The following GLIS3 variants were observed in gnomAD, a reference collection of about 807,000 sequenced individuals.
GLIS3 encodes GLIS family zinc finger 3, also known as zinc finger protein GLIS3.
A neutral mutation model predicts 78.6 loss-of-function variants in GLIS3; 53 were observed. That is an observed-to-expected ratio of 0.67 (90% CI 0.54 to 0.85). GLIS3 has a LOEUF of 0.85. Ranked by LOEUF, GLIS3 falls within the 40% of genes least tolerant of loss-of-function variation. The pLI is 0.00. For missense variants in GLIS3, 1,703 were observed against 1,231.1 expected, an observed-to-expected ratio of 1.38 and a Z score of -5.74; for synonymous variants, 684 against 509.9, an observed-to-expected ratio of 1.34 and a Z score of -4.60.
chr9:4,383,887 G>T, the GLIS3 span, among the ~76,000 whole-genome samples: 1 of 152,190 alleles, frequency 6.6e-6, no homozygotes, highest in African/African-American at 2.4e-5. Flanking sequence ...GCTTCTCCTT[G>T]TCTAGAATAA....
chr9:4,085,237 A>G (rs1044589400), intron 4 of GLIS3, among the ~76,000 whole-genome samples: 1 of 150,940 alleles, frequency 6.6e-6, no homozygotes, highest in African/African-American at 2.4e-5. Flanking sequence ...TTTATAATCA[A>G]TCAGTTTGCC....
chr9:4,009,523 G>C (rs529329248), intron 4 of GLIS3, among the ~76,000 whole-genome samples: 8 of 152,164 alleles, frequency 5.3e-5, no homozygotes, highest in Non-Finnish European at 8.8e-5. Context: ...GACCAGTTTC[G>C]TGCTGGGGAC....
At chr9:4,050,158 T>C (rs36138547) in intron 4 of GLIS3, among the ~76,000 whole-genome samples, 31,377 of 151,928 alleles carry the variant, frequency 0.21, 3,563 homozygotes, top group East Asian at 0.48. Flanking sequence ...CGTATGTTTA[T>C]TGCGGCCTAT....
the GLIS3 span, among the ~76,000 whole-genome samples, chr9:4,354,181 A>C: frequency 6.6e-6 from 1 of 152,126 alleles, no homozygotes. Flanking sequence ...TTTAAAAAAG[A>C]GTGTTATGCT....
chr9:4,160,987 T>C (rs1478958057), intron 2 of GLIS3, among the ~76,000 whole-genome samples: 1 of 148,236 alleles, frequency 6.7e-6, no homozygotes, highest in Non-Finnish European at 1.5e-5. Context: ...TTCATGCCTA[T>C]AATCCCAGCA....
At chr9:4,401,571 C>CTA in the GLIS3 span, among the ~76,000 whole-genome samples, 2 of 120,670 alleles carry the variant, frequency 1.7e-5, no homozygotes, top group Non-Finnish European at 3.6e-5. Flanking sequence ...TCCTTTCTTT[C>CTA]TTTTTTTTTT....
At chr9:4,190,353 G>T (rs921544295) in intron 2 of GLIS3, among the ~76,000 whole-genome samples, 4 of 152,078 alleles carry the variant, frequency 2.6e-5, no homozygotes, top group Non-Finnish European at 2.9e-5. Context: ...TGATGGAGCT[G>T]AAAGTCAAGG....
In GLIS3 at chr9:4,299,911, G is replaced by A. The variant is rs1278562347; in HGVS notation, c.-589C>T. 5 of 152,128 alleles carry A rather than the reference G, an allele frequency of 3.3e-5. No homozygotes were observed. The highest frequency in any genetic ancestry group is 2.6e-4 in the Admixed American group (4 of 15,284). 9.4% of individuals were successfully genotyped at this position (152,128 alleles called of 1,614,324 possible). ...GGACGGCGCGGACGGCGTACAGGGG[G>A]TCCCGGGAGGGGCAGTGGCCGCGGC... is the stretch of plus-strand genomic sequence containing the variant. On this transcript the variant is annotated 5_prime_UTR_variant, in exon 1 of 11. Coordinates refer to ENST00000381971, the MANE Select transcript of GLIS3 (RefSeq NM_001042413.2).
chr9:4,357,381 G>C, the GLIS3 span, among the ~76,000 whole-genome samples: 1 of 152,158 alleles, frequency 6.6e-6, no homozygotes, highest in Non-Finnish European at 1.5e-5. Context: ...CTCTCTGACT[G>C]TTTTCAAGCT....
At chr9:3,995,775 G>C (rs1409327073) in intron 4 of GLIS3, among the ~76,000 whole-genome samples, 2 of 151,926 alleles carry the variant, frequency 1.3e-5, no homozygotes, top group African/African-American at 4.8e-5. Flanking sequence ...GAGACAAAGT[G>C]AGAAAAAAAT....
chr9:3,884,608 T>C (rs1468309063), intron 7 of GLIS3, among the ~76,000 whole-genome samples: 1 of 152,212 alleles, frequency 6.6e-6, no homozygotes. Flanking sequence ...TCATTTCATC[T>C]TCTTGCTGCC....
intron 2 of GLIS3, among the ~76,000 whole-genome samples, chr9:4,153,843 A>G (rs1834860568): frequency 6.6e-6 from 1 of 152,212 alleles, no homozygotes; most frequent in Non-Finnish European, 1.5e-5. Flanking sequence ...TAGCATCCTT[A>G]AAACAACAAT....
chr9:3,855,664 A>C (rs1186929905), intron 9 of GLIS3: 1 of 359,826 alleles, frequency 2.8e-6, no homozygotes, highest in African/African-American at 2.1e-5. Flanking sequence ...CTAGCAGAGC[A>C]GAGGCATGCT....
chr9:4,375,936 G>C, the GLIS3 span, among the ~76,000 whole-genome samples: 1 of 152,278 alleles, frequency 6.6e-6, no homozygotes, highest in African/African-American at 2.4e-5. Context: ...CCAGCTACAC[G>C]TTTCATTGGC....
chr9:4,011,334 C>T (rs1821988672), intron 4 of GLIS3, among the ~76,000 whole-genome samples: 1 of 152,136 alleles, frequency 6.6e-6, no homozygotes, highest in African/African-American at 2.4e-5. Flanking sequence ...AGTCTCTGTC[C>T]TCAAGGAGTT....
At chr9:4,147,385 C>G (rs985521780) in intron 2 of GLIS3, 1 of 152,250 alleles carries the variant, frequency 6.6e-6, no homozygotes, top group African/African-American at 2.4e-5. Context: ...TGGCCACTGA[C>G]ATTTTAAAGT....
Position 4,286,196 on chromosome 9 carries a change from C to T in GLIS3, c.230G>A (p.Ser77Asn). 1 of 1,614,238 alleles carries T rather than the reference C, an allele frequency of 6.2e-7. No individual in the cohort carries two copies. The highest frequency in any genetic ancestry group is 1.1e-5 in the South Asian group (1 of 91,086). Residue 77 changes from serine to asparagine, a missense_variant, in exon 2 of 11, where the codon AGC becomes AAC. Coordinates refer to ENST00000381971, the MANE Select transcript of GLIS3 (RefSeq NM_001042413.2). Reference sequence around the variant, plus strand: ...GCTTAAGGCAGGCAGATGGATGCGGCTCTCAGCCACGTTGTTCTGAGGAGC... The same window carrying T: ...GCTTAAGGCAGGCAGATGGATGCGGTTCTCAGCCACGTTGTTCTGAGGAGC... ...GMAPQNNVAESRIHLPALSPR... is the reference protein window; with the variant it reads ...GMAPQNNVAENRIHLPALSPR...
intron 2 of GLIS3, among the ~76,000 whole-genome samples, chr9:4,167,103 T>C (rs1340277646): frequency 6.6e-6 from 1 of 151,730 alleles, no homozygotes; most frequent in Non-Finnish European, 1.5e-5. Flanking sequence ...ATAAAGATCA[T>C]GCCTAATTAA....
chr9:4,050,151 A>C (rs889560467), intron 4 of GLIS3, among the ~76,000 whole-genome samples: 6 of 151,278 alleles, frequency 4.0e-5, no homozygotes, highest in Non-Finnish European at 8.8e-5. Flanking sequence ...ATGCACACGT[A>C]TGTTTATTGC....
Sources: gnomAD v4.1 joint callset for allele counts (sites outside exome capture counted in the v4.1 genomes callset) on GRCh38, gnomAD v4.1.1 for gene constraint, MANE v1.5 for transcripts, NCBI Gene and HGNC (gene_info 2026-07-23, HGNC 2026-07-21) for gene names.